Variants in MED13L observed in about 807,000 individuals in gnomAD.
The protein encoded by MED13L is mediator of RNA polymerase II transcription subunit 13-like.
MED13L carries 7 observed loss-of-function variants against 220.9 expected under a neutral mutation model. The ratio of observed to expected loss-of-function variants is 0.03; its 90% CI spans 0.02 to 0.06. The LOEUF (loss-of-function observed/expected upper bound fraction) is 0.06. Among genes scored for constraint, MED13L ranks in the 10% least tolerant of loss-of-function variants. The pLI is 1.00. For missense variants in MED13L, 1,965 were observed against 2,760.5 expected (o/e 0.71, Z 6.46); for synonymous variants, 1,011 against 1,015.2 (o/e 1.00, Z 0.08).
At chr12:116,274,470 A>C (rs887632781) in intron 1 of MED13L, among the ~76,000 whole-genome samples, 1 of 151,510 alleles carries the variant, frequency 6.6e-6, no homozygotes, top group African/African-American at 2.4e-5. Flanking sequence ...AATGCATGCT[A>C]TTATTAAACC....
chr12:116,147,620 G>A (rs1054258185), intron 2 of MED13L, among the ~76,000 whole-genome samples: 12 of 152,112 alleles, frequency 7.9e-5, no homozygotes, highest in Non-Finnish European at 1.8e-4. Context: ...CTCTGCTAAA[G>A]ACATCTTGAC....
At chr12:115,982,677 A>C (rs1877410638) in intron 21 of MED13L, 74 bp from the exon 22 acceptor site, 1 of 1,236,242 alleles carries the variant, frequency 8.1e-7, no homozygotes, top group African/African-American at 1.5e-5. Context: ...AAAGGGCTCA[A>C]TTCTAGAGCA....
chr12:115,978,529 G>A (rs1036883167), intron 23 of MED13L, among the ~76,000 whole-genome samples: 2 of 152,032 alleles, frequency 1.3e-5, no homozygotes, highest in African/African-American at 4.8e-5. Context: ...ATTTTGCCAT[G>A]CTGGCCAAGC....
At chr12:116,031,441 A>G (rs1039136826) in intron 4 of MED13L, among the ~76,000 whole-genome samples, 4 of 151,210 alleles carry the variant, frequency 2.6e-5, no homozygotes, top group African/African-American at 9.7e-5. Flanking sequence ...CACACACAAA[A>G]ATTAGCCTGG....
chr12:116,173,617 G>A (rs556034553), intron 2 of MED13L, among the ~76,000 whole-genome samples: 3 of 152,116 alleles, frequency 2.0e-5, no homozygotes, highest in East Asian at 3.9e-4. Context: ...ATTTCAATCC[G>A]AGATGTTTAA....
chr12:116,031,312 G>C (rs1368699626), intron 4 of MED13L, among the ~76,000 whole-genome samples: 3 of 152,086 alleles, frequency 2.0e-5, no homozygotes, highest in East Asian at 3.9e-4. Context: ...GGGTGCAGTG[G>C]CTCATGCCTG....
chr12:115,963,909 T>C (rs1281791399), intron 29 of MED13L, among the ~76,000 whole-genome samples: 1 of 152,002 alleles, frequency 6.6e-6, no homozygotes, highest in Non-Finnish European at 1.5e-5. Context: ...AACACAAATA[T>C]TACCATCTCT....
intron 2 of MED13L, chr12:116,169,239 T>A (rs1447838541): frequency 6.5e-6 from 1 of 152,976 alleles, no homozygotes; most frequent in African/African-American, 2.4e-5. Flanking sequence ...AACAGTAACA[T>A]CATATTAGAA....
chr12:116,129,515 C>G (rs966139455), intron 2 of MED13L, among the ~76,000 whole-genome samples: 6 of 152,190 alleles, frequency 3.9e-5, no homozygotes, highest in Non-Finnish European at 8.8e-5. Flanking sequence ...ATATAACACA[C>G]AGACACTAAT....
chr12:116,108,268 A>C (rs1449013917), intron 3 of MED13L, among the ~76,000 whole-genome samples: 2 of 152,016 alleles, frequency 1.3e-5, no homozygotes, highest in Non-Finnish European at 2.9e-5. Flanking sequence ...TTTTTCAAAG[A>C]CTACAACAAA....
In MED13L at chr12:116,168,480, G is replaced by C. The variant is rs1487210646; in HGVS notation, c.311-56968C>G. The stretch of plus-strand genomic sequence containing the variant: ...CTTATAACCTGAGTAAAAGCTTCCG[G>C]AGATAGAGCTGATTCCTCTGATCCT... On this transcript the variant is annotated intron_variant, in intron 2 of 30. Coordinates refer to ENST00000281928, the MANE Select transcript of MED13L (RefSeq NM_015335.5). Among the ~76,000 whole-genome samples the C allele has an allele frequency of 2.0e-5, 3 of 152,076 alleles. No homozygotes were observed. The East Asian group carries it at 5.8e-4, about 29-fold the overall frequency.
chr12:116,248,558 A>G lies in MED13L; in HGVS notation c.73-10853T>C, dbSNP rs149954979. On this transcript the variant is annotated intron_variant, in intron 1 of 30. Coordinates refer to ENST00000281928, the MANE Select transcript of MED13L (RefSeq NM_015335.5). ...CCAACAATAAGATTTCATAATTCTA[A>G]TATCATTTCTATTTCAGTCAACTAA... 7.9e-5 allele frequency among the ~76,000 whole-genome samples: 12 copies of G among 152,366 alleles called. No individual in the cohort carries two copies. In the East Asian group the frequency reaches 2.3e-3, roughly 29 times the overall value.
intron 4 of MED13L, among the ~76,000 whole-genome samples, chr12:116,059,684 T>C (rs866609011): frequency 1.9e-4 from 29 of 152,110 alleles, no homozygotes; most frequent in Middle Eastern, 3.2e-3. Flanking sequence ...TCCTGAAGTG[T>C]TGGGATTACA....
chr12:116,089,382 T>G (rs1166864274), intron 4 of MED13L, among the ~76,000 whole-genome samples: 1 of 152,134 alleles, frequency 6.6e-6, no homozygotes, highest in East Asian at 1.9e-4. Context: ...TTGACTATAA[T>G]AATATAAACC....
intron 2 of MED13L, among the ~76,000 whole-genome samples, chr12:116,209,950 A>G (rs1200628939): frequency 6.6e-6 from 1 of 152,166 alleles, no homozygotes; most frequent in East Asian, 1.9e-4. Flanking sequence ...TTCTTCTAAA[A>G]GTTCTAAGAA....
chr12:116,121,217 T>C (rs1264995644), intron 2 of MED13L, among the ~76,000 whole-genome samples: 4 of 152,130 alleles, frequency 2.6e-5, no homozygotes, highest in Admixed American at 6.6e-5. Flanking sequence ...AAAGACAGTG[T>C]TTATAAAGGA....
intron 2 of MED13L, among the ~76,000 whole-genome samples, chr12:116,135,820 C>T (rs1209053679): frequency 1.3e-5 from 2 of 152,004 alleles, no homozygotes; most frequent in Non-Finnish European, 2.9e-5. Flanking sequence ...TTTTGTGATC[C>T]TTGATGAGTT....
At chr12:116,136,802 T>C (rs1876596689) in intron 2 of MED13L, among the ~76,000 whole-genome samples, 1 of 152,198 alleles carries the variant, frequency 6.6e-6, no homozygotes, top group Non-Finnish European at 1.5e-5. Context: ...TATAATCAAG[T>C]GTTTACATTA....
chr12:116,254,031 G>T (rs955995574), intron 1 of MED13L, among the ~76,000 whole-genome samples: 1 of 152,060 alleles, frequency 6.6e-6, no homozygotes, highest in African/African-American at 2.4e-5. Context: ...AAATTGCTGG[G>T]ATTACAGGTG....
Sources: gnomAD v4.1 joint callset for allele counts (sites outside exome capture counted in the v4.1 genomes callset) on GRCh38, gnomAD v4.1.1 for gene constraint, MANE v1.5 for transcripts, NCBI Gene and HGNC (gene_info 2026-07-23, HGNC 2026-07-21) for gene names.